KLF12: variants seen among roughly 807,000 people sequenced by gnomAD.
KLF12 encodes KLF transcription factor 12.
Under a neutral mutation model 37.8 loss-of-function variants are expected in KLF12, and 9 were observed. The ratio of observed to expected loss-of-function variants is 0.24; its 90% CI spans 0.14 to 0.42. The LOEUF is 0.42. Ranked by LOEUF, KLF12 falls within the 10% of genes least tolerant of loss-of-function variation. The pLI is 1.00. For synonymous variants in KLF12, 208 were observed against 202.1 expected, an observed-to-expected ratio of 1.03 and a Z score of -0.25; for missense variants, 411 against 516.0, an observed-to-expected ratio of 0.80 and a Z score of 1.97.
At chr13:73,951,456 C>G (rs1277879412) in intron 2 of KLF12, among the ~76,000 whole-genome samples, 1 of 152,078 alleles carries the variant, frequency 6.6e-6, no homozygotes, top group Non-Finnish European at 1.5e-5. Flanking sequence ...GGATGACAAT[C>G]TATTGTTCAT....
chr13:73,818,813 C>T (rs932147501), intron 4 of KLF12, among the ~76,000 whole-genome samples: 6 of 152,212 alleles, frequency 3.9e-5, no homozygotes, highest in African/African-American at 1.4e-4. Context: ...CAGGCAGGCG[C>T]CACAGGGCTG....
intron 2 of KLF12, among the ~76,000 whole-genome samples, chr13:73,970,659 C>T (rs1025991924): frequency 1.3e-5 from 2 of 152,166 alleles, no homozygotes; most frequent in African/African-American, 4.8e-5. Flanking sequence ...CATATACACA[C>T]CCACTTCCAC....
At chr13:73,761,942 C>T (rs1190144105) in intron 6 of KLF12, among the ~76,000 whole-genome samples, 1 of 152,158 alleles carries the variant, frequency 6.6e-6, no homozygotes, top group East Asian at 1.9e-4. Context: ...ATCTTCAAAT[C>T]AGTAAATGTT....
intron 7 of KLF12, among the ~76,000 whole-genome samples, chr13:73,707,477 T>C (rs1331825304): frequency 6.6e-6 from 1 of 152,186 alleles, no homozygotes; most frequent in Admixed American, 6.5e-5. Flanking sequence ...TCATGAGCTA[T>C]TTGATCAGGA....
intron 2 of KLF12, chr13:73,962,109 T>C (rs111635596): frequency 0.051 from 21,830 of 432,020 alleles, 950 homozygotes; most frequent in African/African-American, 0.16. Flanking sequence ...TAAACTGTGG[T>C]ACATCCAGAC....
At chr13:74,121,619 T>G (rs1374486628) in intron 1 of KLF12, among the ~76,000 whole-genome samples, 2 of 152,010 alleles carry the variant, frequency 1.3e-5, no homozygotes, top group African/African-American at 2.4e-5. Flanking sequence ...GATAATATAA[T>G]GCATTGCAAA....
intron 5 of KLF12, among the ~76,000 whole-genome samples, chr13:73,770,828 G>A (rs1880223166): frequency 6.6e-6 from 1 of 152,028 alleles, no homozygotes; most frequent in Non-Finnish European, 1.5e-5. Flanking sequence ...CAGCCAATAT[G>A]TGAAATTTTT....
chr13:73,762,218 G>A (rs1879610473), intron 6 of KLF12, among the ~76,000 whole-genome samples: 1 of 152,120 alleles, frequency 6.6e-6, no homozygotes, highest in African/African-American at 2.4e-5. Context: ...TCCTCCCTGG[G>A]TATGTACAAT....
chr13:74,084,227 A>C (rs17062087), intron 1 of KLF12, among the ~76,000 whole-genome samples: 29,339 of 152,034 alleles, frequency 0.19, 2,989 homozygotes, highest in African/African-American at 0.27. Flanking sequence ...TAAATAAGAG[A>C]ATTGAATCAA....
chr13:73,891,265 A>G (rs2182664), intron 3 of KLF12, among the ~76,000 whole-genome samples: 119,304 of 151,954 alleles, frequency 0.79, 47,024 homozygotes, highest in East Asian at 0.9. Context: ...TTATATTAAA[A>G]GTCTAATGTT....
At chr13:73,793,399 GATCCCC>G (rs905614296) in intron 5 of KLF12, among the ~76,000 whole-genome samples, 14 of 152,276 alleles carry the variant, frequency 9.2e-5, no homozygotes, top group African/African-American at 3.4e-4. Flanking sequence ...TCATTAAAAT[GATCCCC>G]AAACACTTCT....
the KLF12 span, among the ~76,000 whole-genome samples, chr13:74,188,858 G>A: frequency 3.3e-5 from 5 of 152,024 alleles, no homozygotes; most frequent in African/African-American, 1.2e-4. Flanking sequence ...TTAGCTGGGC[G>A]TGGTGGTGCG....
At chr13:74,033,094 T>C (rs1330116244) in intron 1 of KLF12, among the ~76,000 whole-genome samples, 1 of 152,184 alleles carries the variant, frequency 6.6e-6, no homozygotes, top group Non-Finnish European at 1.5e-5. Flanking sequence ...TGACATGTAC[T>C]GTATACAAAT....
At chr13:74,286,492 T>C in the KLF12 span, among the ~76,000 whole-genome samples, 1 of 152,218 alleles carries the variant, frequency 6.6e-6, no homozygotes, top group Non-Finnish European at 1.5e-5. Flanking sequence ...ATGTAATTGT[T>C]AGAAAAAATT....
rs754713513 is a variant in KLF12, at chr13:73,695,535, C to T, written c.1164G>A (p.Arg388=). The change falls in exon 8 of 8, where the codon CGG becomes CGA. Residue 388 remains arginine (R), a synonymous_variant. Transcript: ENST00000377669. ...GGCGGTGCAGGGCCAAATGATCTGA[C>T]CGGGAAAAGCTGCGATCACAGTCCG... The T allele has an allele frequency of 6.2e-7, 1 of 1,614,060 alleles. No individual in the cohort carries two copies. The highest frequency in any genetic ancestry group is 2.2e-5 in the East Asian group (1 of 44,870).
At chr13:74,058,979 G>C (rs535880603) in intron 1 of KLF12, among the ~76,000 whole-genome samples, 1 of 152,270 alleles carries the variant, frequency 6.6e-6, no homozygotes, top group South Asian at 2.1e-4. Flanking sequence ...GTCCCCCAGT[G>C]TCTATTGTTT....
At chr13:73,787,203 G>A (rs547262111) in intron 5 of KLF12, among the ~76,000 whole-genome samples, 2 of 152,238 alleles carry the variant, frequency 1.3e-5, no homozygotes, top group East Asian at 3.9e-4. Flanking sequence ...AATTTATGGA[G>A]CACCTGCTTT....
rs576726545 is a variant in KLF12 at position 73,868,150 on chromosome 13, T to C, written c.124-21777A>G. On this transcript the variant is annotated intron_variant, in intron 3 of 7. Coordinates refer to ENST00000377669, the MANE Select transcript of KLF12 (RefSeq NM_007249.5). Reference sequence around the variant, plus strand: ...CAACATGGATAAACCCCGTCTCTACTAAAAATATAAAATTAGCCGGGCATG... The same window carrying C: ...CAACATGGATAAACCCCGTCTCTACCAAAAATATAAAATTAGCCGGGCATG... Among the ~76,000 whole-genome samples the C allele has an allele frequency of 6.3e-5, 9 of 143,162 alleles. No homozygotes were observed. The South Asian group carries it at 2.0e-3, about 32-fold the overall frequency. 93.9% of individuals were successfully genotyped at this position (143,162 alleles called of 152,430 possible).
rs903067370 is a variant in KLF12 at position 73,934,494 on chromosome 13, A to G, written c.123+9487T>C. On this transcript the variant is annotated intron_variant, in intron 3 of 7. Coordinates refer to ENST00000377669, the MANE Select transcript of KLF12 (RefSeq NM_007249.5). ...TATATTGACCCATATGTTTACCATT[A>G]CTCATTTCCTGTATAAATCTAAATT... 2.6e-5 allele frequency among the ~76,000 whole-genome samples: 4 copies of G among 152,250 alleles called. No homozygotes were observed. In the South Asian group the frequency reaches 8.3e-4, roughly 32 times the overall value.
Sources: allele counts gnomAD v4.1 joint callset (sites outside exome capture counted in the v4.1 genomes callset), GRCh38; gene constraint gnomAD v4.1.1; transcripts MANE v1.5; gene names NCBI Gene and HGNC (gene_info 2026-07-23, HGNC 2026-07-21).